Variants in DIP2C observed in about 807,000 individuals in gnomAD.
The protein encoded by DIP2C is DIP2 acetate--CoA ligase C (putative).
DIP2C carries 33 observed loss-of-function variants against 192.4 expected under a neutral mutation model. That is an observed-to-expected ratio of 0.17 (90% confidence interval 0.13 to 0.23). The LOEUF is 0.23. DIP2C is among the 10% of genes least tolerant of loss of function. The pLI is 1.00. For missense variants in DIP2C, 1,537 were observed against 2,110.1 expected, an observed-to-expected ratio of 0.73 and a Z score of 5.32; for synonymous variants, 979 against 864.1, an observed-to-expected ratio of 1.13 and a Z score of -2.33.
At chr10:375,073 T>C (rs1352038025) in intron 17 of DIP2C, among the ~76,000 whole-genome samples, 1 of 152,226 alleles carries the variant, frequency 6.6e-6, no homozygotes, top group East Asian at 1.9e-4. Flanking sequence ...GTGTATACAA[T>C]ACCACGATGA....
chr10:600,889 T>C (rs1852031134), intron 1 of DIP2C, among the ~76,000 whole-genome samples: 1 of 148,220 alleles, frequency 6.7e-6, no homozygotes, highest in South Asian at 2.1e-4. Flanking sequence ...CAAAGTTGGA[T>C]AATTAAGTTG....
intron 7 of DIP2C, among the ~76,000 whole-genome samples, chr10:414,978 G>C (rs922002269): frequency 6.8e-6 from 1 of 147,936 alleles, no homozygotes; most frequent in Non-Finnish European, 1.5e-5. Flanking sequence ...CCAGGCTCAA[G>C]TGATCTGCCT....
At chr10:502,178 C>T (rs1279267008) in intron 1 of DIP2C, among the ~76,000 whole-genome samples, 1 of 152,126 alleles carries the variant, frequency 6.6e-6, no homozygotes, top group African/African-American at 2.4e-5. Context: ...GTTTTTACAA[C>T]ACCAATATAC....
intron 1 of DIP2C, among the ~76,000 whole-genome samples, chr10:559,170 A>T (rs530151039): frequency 1.1e-3 from 161 of 152,382 alleles, no homozygotes; most frequent in African/African-American, 3.8e-3. Context: ...TCATATGCTC[A>T]TGAGACCCTT....
intron 1 of DIP2C, among the ~76,000 whole-genome samples, chr10:575,169 T>C (rs1850074351): frequency 6.6e-6 from 1 of 152,182 alleles, no homozygotes; most frequent in Non-Finnish European, 1.5e-5. Context: ...GCAAAACTAC[T>C]CCAGGGCATG....
intron 24 of DIP2C, among the ~76,000 whole-genome samples, chr10:353,112 A>C (rs1958902909): frequency 6.6e-6 from 1 of 152,144 alleles, no homozygotes; most frequent in Non-Finnish European, 1.5e-5. Flanking sequence ...ATTTCATCAG[A>C]GAAATGAGGG....
intron 1 of DIP2C, among the ~76,000 whole-genome samples, chr10:593,820 T>C (rs1851543981): frequency 6.6e-6 from 1 of 152,142 alleles, no homozygotes. Flanking sequence ...AAGGGAGAGC[T>C]TGTCTCACTC....
intron 9 of DIP2C, among the ~76,000 whole-genome samples, chr10:401,291 T>C (rs61836851): frequency 0.54 from 77,223 of 142,518 alleles, 20,220 homozygotes; most frequent in East Asian, 0.67. Flanking sequence ...AGCATTACTC[T>C]TCCTTACGGA....
chr10:563,077 T>C (rs898545350), intron 1 of DIP2C, among the ~76,000 whole-genome samples: 3 of 152,232 alleles, frequency 2.0e-5, no homozygotes, highest in African/African-American at 4.8e-5. Context: ...TATTGTGTCT[T>C]TGTTTAGAAT....
At chr10:479,065 A>G (rs560467874) in intron 2 of DIP2C, among the ~76,000 whole-genome samples, 5 of 152,202 alleles carry the variant, frequency 3.3e-5, no homozygotes, top group Admixed American at 6.5e-5. Flanking sequence ...ATTTTTCTGT[A>G]TTTTCAGGTC....
intron 2 of DIP2C, chr10:485,058 A>T (rs534070142): frequency 5.8e-5 from 79 of 1,352,098 alleles, no homozygotes; most frequent in Non-Finnish European, 7.0e-5. Flanking sequence ...ACAGACCACC[A>T]AGGGGACCAC....
rs1962632154 is a variant in DIP2C, at chr10:384,028, G to A, written c.1875C>T (p.Pro625=). The change falls in exon 16 of 37, where the codon CCC becomes CCT. Residue 625 remains proline, a splice_region_variant and synonymous_variant. Transcript: ENST00000280886. ...CGAGATCACACGCTCCTCACTTACA[G>A]GGGTTCGCGCCGTCCGCCACTATCA... ...RMLIVADGAN[P]WSISSCDAFL... is the part of the protein sequence containing the mutation. 1.9e-6 allele frequency: 3 copies of A among 1,572,946 alleles called. No homozygotes were observed. The highest frequency in any genetic ancestry group is 2.6e-6 in the Non-Finnish European group (3 of 1,166,322).
chr10:327,193 A>C lies in DIP2C; in HGVS notation c.3754-17T>G. The C allele has an allele frequency of 6.2e-7, 1 of 1,610,268 alleles. No individual in the cohort carries two copies. The highest frequency in any genetic ancestry group is 8.5e-7 in the Non-Finnish European group (1 of 1,178,554). ...CCCTCGCGCCTGGAGATGATGACAG[A>C]GAAACCGAGTCAGCCCCCACGTGTC... On this transcript the variant is annotated splice_polypyrimidine_tract_variant and intron_variant, in intron 30 of 36. Coordinates refer to ENST00000280886, the MANE Select transcript of DIP2C (RefSeq NM_014974.3).
chr10:631,915 A>G (rs7073688), intron 1 of DIP2C, among the ~76,000 whole-genome samples: 4,899 of 152,344 alleles, frequency 0.032, 162 homozygotes, highest in African/African-American at 0.078. Flanking sequence ...GTAATTTTCC[A>G]TTAAATAAAT....
intron 1 of DIP2C, among the ~76,000 whole-genome samples, chr10:569,303 G>A (rs1490010986): frequency 2.0e-5 from 3 of 152,172 alleles, no homozygotes; most frequent in Non-Finnish European, 4.4e-5. Context: ...AGCATGCCAG[G>A]AAAAGTCACA....
At position 321,172 on chromosome 10, in the gene DIP2C, T is replaced by C. The variant is rs1289801858; in HGVS notation, c.3924+5834A>G. On this transcript the variant is annotated intron_variant, in intron 31 of 36. Coordinates refer to ENST00000280886, the MANE Select transcript of DIP2C (RefSeq NM_014974.3). Reference sequence around the variant, plus strand: ...CCAATGTGTCTCTGTACACCTGTAATGTTTCCTGTGTCAGGTATGTTCTAA... The same window carrying C: ...CCAATGTGTCTCTGTACACCTGTAACGTTTCCTGTGTCAGGTATGTTCTAA... Among the ~76,000 whole-genome samples, 10 of 152,336 alleles carry C rather than the reference T, an allele frequency of 6.6e-5. No homozygotes were observed. The South Asian group carries it at 1.0e-3, about 16-fold the overall frequency.
chr10:300,043 C>G (rs1431883963), intron 32 of DIP2C, among the ~76,000 whole-genome samples: 1 of 152,116 alleles, frequency 6.6e-6, no homozygotes, highest in Non-Finnish European at 1.5e-5. Flanking sequence ...AGAAACCAGA[C>G]CCACGTGCAC....
At chr10:416,994 T>A (rs139295629) in intron 6 of DIP2C, among the ~76,000 whole-genome samples, 1,894 of 152,330 alleles carry the variant, frequency 0.012, 25 homozygotes, top group Non-Finnish European at 0.02. Flanking sequence ...GATTTTTTAA[T>A]AGGTAGTCTC....
intron 24 of DIP2C, among the ~76,000 whole-genome samples, chr10:354,990 T>C (rs1959008298): frequency 6.6e-6 from 1 of 151,178 alleles, no homozygotes; most frequent in Admixed American, 6.6e-5. Flanking sequence ...GCAAAGGGGG[T>C]ATCATCCATA....
Sources: gnomAD v4.1 joint callset for allele counts (sites outside exome capture counted in the v4.1 genomes callset) on GRCh38, gnomAD v4.1.1 for gene constraint, MANE v1.5 for transcripts, NCBI Gene and HGNC (gene_info 2026-07-23, HGNC 2026-07-21) for gene names.